The following NBDY variants were observed in gnomAD, a reference collection of about 807,000 sequenced individuals.
The protein encoded by NBDY is negative regulator of P-body association.
At chrX:56,809,255 T>G (rs933435149) in intron 2 of NBDY, among the ~76,000 whole-genome samples, 1 of 112,117 alleles carries the variant, frequency 8.9e-6, no homozygotes, top group Non-Finnish European at 1.9e-5. Flanking sequence ...GAGAGTTCTG[T>G]AGATGTCTAT....
chrX:56,753,867 T>C (rs928857706), intron 2 of NBDY, among the ~76,000 whole-genome samples: 1 of 110,856 alleles, frequency 9.0e-6, no homozygotes, highest in Non-Finnish European at 1.9e-5. Flanking sequence ...TTTATTGGCA[T>C]AGAAGGGACA....
intron 2 of NBDY, among the ~76,000 whole-genome samples, chrX:56,756,217 A>G: frequency 9.2e-6 from 1 of 108,230 alleles, no homozygotes; most frequent in Non-Finnish European, 1.9e-5. Context: ...GGTGCAGCAC[A>G]CCAGCATGGC....
chrX:56,790,859 G>A lies in NBDY; in HGVS notation c.*167-26461G>A, dbSNP rs185128796. Among the ~76,000 whole-genome samples, 392 of 112,271 alleles carry A rather than the reference G, an allele frequency of 3.5e-3. 2 individuals are homozygous for A. The highest frequency in any genetic ancestry group is 3.6e-3 in the Non-Finnish European group (191 of 53,226). On this transcript the variant is annotated intron_variant, in intron 2 of 2. Transcript: ENST00000374922. The stretch of plus-strand genomic sequence containing the variant: ...TTCCCTCTTGTTCACCTTTCTTGTC[G>A]CTTTCTGCCTCACTTCCCAATATTT...
intron 2 of NBDY, among the ~76,000 whole-genome samples, chrX:56,792,054 G>T (rs2069767657): frequency 1.9e-5 from 2 of 108,077 alleles, no homozygotes; most frequent in Admixed American, 1.0e-4. Context: ...GATTTGGGTG[G>T]GCAAGTGTTC....
At chrX:56,782,007 C>T (rs1039886376) in intron 2 of NBDY, among the ~76,000 whole-genome samples, 5 of 111,595 alleles carry the variant, frequency 4.5e-5, no homozygotes, top group African/African-American at 1.6e-4. Flanking sequence ...CTCTGTAGTT[C>T]TGCAGGCCAA....
intron 2 of NBDY, among the ~76,000 whole-genome samples, chrX:56,805,836 T>C (rs2069846148): frequency 8.9e-6 from 1 of 111,850 alleles, no homozygotes. Context: ...TTTTTTTTAT[T>C]ATACTTAAAG....
At chrX:56,810,870 T>A (rs1280441294) in intron 2 of NBDY, 1 of 111,944 alleles carries the variant, frequency 8.9e-6, no homozygotes, top group Non-Finnish European at 1.9e-5. Context: ...TGCTGGTTTC[T>A]CCCCATCTTC....
chrX:56,790,468 A>G (rs1206420965), intron 2 of NBDY, among the ~76,000 whole-genome samples: 4 of 111,759 alleles, frequency 3.6e-5, no homozygotes, highest in East Asian at 2.8e-4. Flanking sequence ...CCACATGACT[A>G]TGGAACAGGA....
At chrX:56,756,629 G>A (rs1035607601) in intron 2 of NBDY, among the ~76,000 whole-genome samples, 9 of 111,809 alleles carry the variant, frequency 8.0e-5, no homozygotes, top group African/African-American at 2.9e-4. Context: ...GGCAACAGAC[G>A]AATAGGAAAA....
intron 1 of NBDY, among the ~76,000 whole-genome samples, chrX:56,730,342 C>T (rs1967449): frequency 0.53 from 55,291 of 103,751 alleles, 14,022 homozygotes; most frequent in Non-Finnish European, 0.72. Context: ...GAAACCCCGT[C>T]TCTACTAAAG....
chrX:56,808,208 A>G (rs5960211), intron 2 of NBDY, among the ~76,000 whole-genome samples: 1 of 110,768 alleles, frequency 9.0e-6, no homozygotes, highest in Non-Finnish European at 1.9e-5. Flanking sequence ...GCTGCCTAAA[A>G]TCCTCTTTCT....
chrX:56,752,704 G>A (rs967100170), intron 2 of NBDY, among the ~76,000 whole-genome samples: 10 of 111,246 alleles, frequency 9.0e-5, no homozygotes, highest in African/African-American at 1.3e-4. Flanking sequence ...CCACCTCCCA[G>A]GTTCAAGTGA....
intron 2 of NBDY, among the ~76,000 whole-genome samples, chrX:56,804,226 C>G (rs1486283263): frequency 8.9e-6 from 1 of 112,150 alleles, no homozygotes; most frequent in Non-Finnish European, 1.9e-5. Flanking sequence ...GGGACAAAAG[C>G]TTGGATCAAA....
At chrX:56,792,908 G>A (rs771209028) in intron 2 of NBDY, among the ~76,000 whole-genome samples, 4 of 111,552 alleles carry the variant, frequency 3.6e-5, no homozygotes, top group Non-Finnish European at 7.5e-5. Flanking sequence ...GCTTAAAAAC[G>A]GACCCTGCAA....
In NBDY at chrX:56,813,964, C is replaced by CT. The variant is rs966901173; in HGVS notation, c.*167-3347dup. Among the ~76,000 whole-genome samples the CT allele has an allele frequency of 2.6e-3, 289 of 109,975 alleles. 1 individual carries two copies. The highest frequency in any genetic ancestry group is 0.011 in the South Asian group (30 of 2,641). On this transcript the variant is annotated intron_variant, in intron 2 of 2. Coordinates refer to ENST00000374922, the MANE Select transcript of NBDY (RefSeq NM_001348129.2). Reference sequence around the variant, plus strand: ...CTTCTTCTCAGTCTGATTCTTTTGTCTTTTTTTTTGTTTTTCATTTTTTAT... The same window carrying CT: ...CTTCTTCTCAGTCTGATTCTTTTGTCTTTTTTTTTTGTTTTTCATTTTTTAT...
At chrX:56,807,792 T>C (rs1339891917) in intron 2 of NBDY, among the ~76,000 whole-genome samples, 2 of 112,171 alleles carry the variant, frequency 1.8e-5, no homozygotes, top group East Asian at 5.6e-4. Flanking sequence ...CTTTTTCTAA[T>C]TGAATACCCT....
At chrX:56,810,441 T>C (rs2069880475) in intron 2 of NBDY, among the ~76,000 whole-genome samples, 1 of 110,789 alleles carries the variant, frequency 9.0e-6, no homozygotes, top group African/African-American at 3.3e-5. Context: ...GAGGTTTTGC[T>C]CATTTCTTGT....
chrX:56,783,159 A>C (rs2069705407), intron 2 of NBDY, among the ~76,000 whole-genome samples: 1 of 112,797 alleles, frequency 8.9e-6, no homozygotes, highest in African/African-American at 3.2e-5. Context: ...GCGGGACAAG[A>C]GAGGAACTCC....
intron 2 of NBDY, among the ~76,000 whole-genome samples, chrX:56,747,318 G>A (rs1602651920): frequency 1.8e-5 from 2 of 111,858 alleles, no homozygotes; most frequent in Admixed American, 1.9e-4. Flanking sequence ...ATACAAGAAG[G>A]CACATGAGCA....
Sources: allele counts gnomAD v4.1 joint callset (sites outside exome capture counted in the v4.1 genomes callset), GRCh38; gene constraint gnomAD v4.1.1; transcripts MANE v1.5; gene names NCBI Gene and HGNC (gene_info 2026-07-23, HGNC 2026-07-21).